Variants in ERLIN1 observed in about 807,000 individuals in gnomAD.
ERLIN1 encodes erlin-1.
A neutral mutation model predicts 46.9 loss-of-function variants in ERLIN1; 24 were observed. The observed-to-expected ratio is 0.51, with a 90% CI of 0.37 to 0.72. The LOEUF is 0.72. Ranked by LOEUF, ERLIN1 falls within the 30% of genes least tolerant of loss-of-function variation. ERLIN1 has a pLI of 0.00. For synonymous variants in ERLIN1, 158 were observed against 143.2 expected, an observed-to-expected ratio of 1.10 and a Z score of -0.74; for missense variants, 293 against 417.9, an observed-to-expected ratio of 0.70 and a Z score of 2.61.
chr10:100,153,319 G>A (rs1307914027), intron 10 of ERLIN1, among the ~76,000 whole-genome samples: 1 of 151,964 alleles, frequency 6.6e-6, no homozygotes, highest in East Asian at 1.9e-4. Flanking sequence ...ATTAAAACTC[G>A]TCGACCACCA....
intron 2 of ERLIN1, among the ~76,000 whole-genome samples, chr10:100,181,004 C>A (rs1310707710): frequency 1.3e-5 from 2 of 152,182 alleles, no homozygotes; most frequent in African/African-American, 4.8e-5. Flanking sequence ...TAGGTTGAGA[C>A]ATTAGAATGA....
intron 5 of ERLIN1, among the ~76,000 whole-genome samples, chr10:100,175,127 A>T (rs1844217671): frequency 6.6e-6 from 1 of 152,232 alleles, no homozygotes; most frequent in East Asian, 1.9e-4. Flanking sequence ...CACTATCATA[A>T]ATGAAAAGTA....
At chr10:100,181,781 T>C (rs1844663863) in intron 2 of ERLIN1, among the ~76,000 whole-genome samples, 1 of 152,188 alleles carries the variant, frequency 6.6e-6, no homozygotes, top group African/African-American at 2.4e-5. Flanking sequence ...CCCAAAGTGC[T>C]GGGATTACAG....
intron 2 of ERLIN1, among the ~76,000 whole-genome samples, chr10:100,180,668 A>G (rs1262774190): frequency 6.6e-6 from 1 of 152,202 alleles, no homozygotes; most frequent in East Asian, 1.9e-4. Flanking sequence ...GAAAGATGAA[A>G]TTCTGACAAG....
At chr10:100,164,167 T>C in intron 7 of ERLIN1, 72 bp from the exon 8 acceptor site, 1 of 979,652 alleles carries the variant, frequency 1.0e-6, no homozygotes, top group Non-Finnish European at 1.6e-6. Flanking sequence ...ATTCTGACCC[T>C]ACAGTGAGTC....
At chr10:100,154,664 A>G (rs776526454) in intron 10 of ERLIN1, among the ~76,000 whole-genome samples, 196 bp downstream of exon 10, 2 of 152,248 alleles carry the variant, frequency 1.3e-5, no homozygotes, top group Admixed American at 6.5e-5. Context: ...AAATGAATGG[A>G]ATTACGGCAT....
rs1844165739 is a variant in ERLIN1 at position 100,174,227 on chromosome 10, G to A, written c.485C>T (p.Ala162Val). 6.4e-7 allele frequency: 1 copy of A among 1,563,618 alleles called. No homozygotes were observed. The highest frequency in any genetic ancestry group is 8.7e-7 in the Non-Finnish European group (1 of 1,151,946). ...ACTTACCTGTATAGTGAGACCTGGG[G>A]CCATGAGGTTTAAGTCTTTCTGCAG... ...QALQKDLNLM[A>V]PGLTIQAVRV... The change falls in exon 6 of 11, where the codon GCC becomes GTC. Residue 162 changes from alanine (A) to valine (V), a missense_variant. Coordinates refer to ENST00000421367, the MANE Select transcript of ERLIN1 (RefSeq NM_006459.4).
intron 7 of ERLIN1, among the ~76,000 whole-genome samples, chr10:100,166,994 A>C (rs1180664255): frequency 6.6e-6 from 1 of 152,220 alleles, no homozygotes; most frequent in Non-Finnish European, 1.5e-5. Context: ...ACAAAATATG[A>C]GCACTCTCTT....
At chr10:100,177,128 G>GA (rs968483157) in intron 4 of ERLIN1, among the ~76,000 whole-genome samples, 40 of 151,234 alleles carry the variant, frequency 2.6e-4, no homozygotes, top group Non-Finnish European at 5.2e-4. Flanking sequence ...TCTCAAAAAA[G>GA]AAAAAAAATT....
In ERLIN1 at chr10:100,155,051, C is replaced by G; in HGVS notation, c.746-112G>C. 5 of 881,262 alleles carry G rather than the reference C, an allele frequency of 5.7e-6. No homozygotes were observed. In the South Asian group the frequency reaches 7.8e-5, roughly 14 times the overall value. 54.6% of individuals were successfully genotyped at this position (881,262 alleles called of 1,614,324 possible). A position where few individuals can be genotyped will look rare whatever the true frequency, so the allele number is the denominator to read the frequency against. On this transcript the variant is annotated intron_variant, in intron 9 of 10. Transcript: ENST00000421367. ...TATTTCACATTGAAAGTTTTAAAAACCTATTAGCAGTTTTCAAGTCCCAGT... is the reference window on the plus strand; with the variant it reads ...TATTTCACATTGAAAGTTTTAAAAAGCTATTAGCAGTTTTCAAGTCCCAGT...
rs1842762231 is a variant in ERLIN1, at chr10:100,150,754, T to C, written c.*1377A>G. ...GCTTCAACATAGCGTACACAAGAGT[T>C]GTCTTAACAAGCTGCACAAACTCAG... On this transcript the variant is annotated 3_prime_UTR_variant, in exon 11 of 11. Transcript: ENST00000421367. 1.3e-5 allele frequency: 2 copies of C among 152,472 alleles called. No individual in the cohort carries two copies. The highest frequency in any genetic ancestry group is 6.5e-5 in the Admixed American group (1 of 15,276). 9.4% of individuals were successfully genotyped at this position (152,472 alleles called of 1,614,324 possible). A position where few individuals can be genotyped will look rare whatever the true frequency, so the allele number is the denominator to read the frequency against.
In ERLIN1 at chr10:100,163,867, T is replaced by C. The variant is rs937318090; in HGVS notation, c.655+137A>G. On this transcript the variant is annotated intron_variant, in intron 8 of 10. Coordinates refer to ENST00000421367, the MANE Select transcript of ERLIN1 (RefSeq NM_006459.4). ...TTTTAAAGGCTTTAGAACATCTGAA[T>C]GTACAGTGGAGATTCCAGAATTCCC... 8 of 616,702 alleles carry C rather than the reference T, an allele frequency of 1.3e-5. No individual in the cohort carries two copies. In the Admixed American group the frequency reaches 1.8e-4, roughly 14 times the overall value. The allele number at this position is 616,702 out of a possible 1,614,324, so 38.2% of individuals were successfully genotyped here. A position where few individuals can be genotyped will look rare whatever the true frequency, so the allele number is the denominator to read the frequency against.
rs1182257099 is a variant in ERLIN1, at chr10:100,150,855, A to G, written c.*1276T>C. The G allele has an allele frequency of 1.3e-5, 2 of 152,254 alleles. No individual in the cohort carries two copies. Among genetic ancestry groups the G allele is most frequent in the African/African-American group, 2.4e-5 (1 of 41,454 alleles). 9.4% of individuals were successfully genotyped at this position (152,254 alleles called of 1,614,324 possible). A position where few individuals can be genotyped will look rare whatever the true frequency, so the allele number is the denominator to read the frequency against. On this transcript the variant is annotated 3_prime_UTR_variant, in exon 11 of 11. Transcript: ENST00000421367. The stretch of plus-strand genomic sequence containing the variant: ...AGGGTCCACATGAAGTAGGTCTCCT[A>G]ATGCCACAGGTTAACTCTGTTGTTT...
chr10:100,181,766 G>A (rs1034214423), intron 2 of ERLIN1, among the ~76,000 whole-genome samples: 10 of 151,932 alleles, frequency 6.6e-5, no homozygotes, highest in African/African-American at 1.2e-4. Context: ...TGCCTGCCTC[G>A]GCCTCCCAAA....
chr10:100,162,414 A>G (rs1028555401), intron 8 of ERLIN1, among the ~76,000 whole-genome samples: 3 of 152,212 alleles, frequency 2.0e-5, no homozygotes, highest in Non-Finnish European at 4.4e-5. Context: ...TGGAAATGGG[A>G]ATTCAAATAT....
intron 8 of ERLIN1, among the ~76,000 whole-genome samples, chr10:100,159,423 A>C (rs1471511980): frequency 6.6e-6 from 1 of 152,176 alleles, no homozygotes; most frequent in African/African-American, 2.4e-5. Flanking sequence ...AGCCTGACCA[A>C]ATGAGTATAT....
At position 100,161,487 on chromosome 10, in the gene ERLIN1, T is replaced by C. The variant is rs139330095; in HGVS notation, c.655+2517A>G. ...ACTCAATATCATAATTTTCTCCAAA[T>C]TGATGCATACATTCAATGCAATTCC... On this transcript the variant is annotated intron_variant, in intron 8 of 10. Coordinates refer to ENST00000421367, the MANE Select transcript of ERLIN1 (RefSeq NM_006459.4). 1.4e-3 allele frequency among the ~76,000 whole-genome samples: 219 copies of C among 152,284 alleles called. 3 individuals carry two copies. Among genetic ancestry groups the C allele is most frequent in the African/African-American group, 5.0e-3 (208 of 41,568 alleles).
At chr10:100,176,902 CAT>C (rs1844341469) in intron 4 of ERLIN1, among the ~76,000 whole-genome samples, 1 of 152,106 alleles carries the variant, frequency 6.6e-6, no homozygotes. Context: ...GTGGGTGGAT[CAT>C]TTGAGTCAGG....
At chr10:100,161,413 GAC>G (rs1486033593) in intron 8 of ERLIN1, among the ~76,000 whole-genome samples, 2 of 152,088 alleles carry the variant, frequency 1.3e-5, no homozygotes, top group African/African-American at 2.4e-5. Flanking sequence ...AGAAAATTAT[GAC>G]ACTTTTTAAA....
Sources: allele counts gnomAD v4.1 joint callset (sites outside exome capture counted in the v4.1 genomes callset), GRCh38; gene constraint gnomAD v4.1.1; transcripts MANE v1.5; gene names NCBI Gene and HGNC (gene_info 2026-07-23, HGNC 2026-07-21).